CTNNAL1: variants seen among roughly 807,000 people sequenced by gnomAD.
The protein encoded by CTNNAL1 is catenin alpha like 1.
A neutral mutation model predicts 93.6 loss-of-function variants in CTNNAL1; 69 were observed. That is an observed-to-expected ratio of 0.74 (90% CI 0.61 to 0.90). The LOEUF is 0.90. Among genes scored for constraint, CTNNAL1 ranks in the 40% least tolerant of loss-of-function variants. The pLI, the probability that CTNNAL1 is intolerant of heterozygous loss-of-function variation, is 0.00. For synonymous variants in CTNNAL1, 286 were observed against 305.4 expected (o/e 0.94, Z 0.66); for missense variants, 836 against 862.0 (o/e 0.97, Z 0.38).
intron 11 of CTNNAL1, 72 bp from the exon 12 acceptor site, chr9:108,955,899 T>C (rs1186980894): frequency 7.5e-6 from 7 of 935,452 alleles, no homozygotes; most frequent in Non-Finnish European, 1.1e-5. Context: ...AGTTAACTTT[T>C]AAAGTATTAA....
chr9:108,966,054 A>G lies in CTNNAL1; in HGVS notation c.1441-526T>C, dbSNP rs532102731. Among the ~76,000 whole-genome samples, 12 of 152,342 alleles carry G rather than the reference A, an allele frequency of 7.9e-5. No individual in the cohort carries two copies. The South Asian group carries it at 1.9e-3, about 24-fold the overall frequency. Reference sequence around the variant, plus strand: ...TAATATCCCCCAAAATATACAAATAAAATACTACTTTTTCCAAATAAGCAT... The same window carrying G: ...TAATATCCCCCAAAATATACAAATAGAATACTACTTTTTCCAAATAAGCAT... On this transcript the variant is annotated intron_variant, in intron 10 of 18. Transcript: ENST00000325551.
chr9:108,961,281 C>T (rs1830815589), intron 11 of CTNNAL1, among the ~76,000 whole-genome samples: 1 of 152,162 alleles, frequency 6.6e-6, no homozygotes, highest in African/African-American at 2.4e-5. Flanking sequence ...GTCACATCAA[C>T]CATGCATAAC....
At chr9:109,002,515 T>C (rs998421214) in intron 1 of CTNNAL1, among the ~76,000 whole-genome samples, 1 of 152,026 alleles carries the variant, frequency 6.6e-6, no homozygotes, top group African/African-American at 2.4e-5. Flanking sequence ...CTCATTAACA[T>C]GAAAGGGAGA....
chr9:108,962,248 T>C (rs1040407096), intron 11 of CTNNAL1, among the ~76,000 whole-genome samples: 1 of 152,194 alleles, frequency 6.6e-6, no homozygotes, highest in African/African-American at 2.4e-5. Flanking sequence ...TGGAACCCAG[T>C]ACATTCTCAA....
At chr9:108,998,943 T>A (rs1832123497) in intron 2 of CTNNAL1, 124 bp downstream of exon 2, 2 of 1,194,660 alleles carry the variant, frequency 1.7e-6, no homozygotes, top group South Asian at 3.7e-5. Flanking sequence ...TCCAGGCCTT[T>A]AATGTCTGAG....
chr9:108,993,241 T>C (rs963904179), intron 2 of CTNNAL1, among the ~76,000 whole-genome samples: 2 of 152,044 alleles, frequency 1.3e-5, no homozygotes, highest in African/African-American at 4.8e-5. Context: ...TCACTGCCAA[T>C]CTCCACAAGC....
intron 4 of CTNNAL1, 129 bp downstream of exon 4, chr9:108,990,597 G>T (rs1053435313): frequency 8.9e-7 from 1 of 1,126,010 alleles, no homozygotes; most frequent in Non-Finnish European, 1.2e-6. Flanking sequence ...TCTATGAAAG[G>T]CTTTCAAGAC....
At chr9:108,964,878 T>TTTATTTATTTATTTA (rs1564128908) in intron 11 of CTNNAL1, among the ~76,000 whole-genome samples, 5 of 120,380 alleles carry the variant, frequency 4.2e-5, no homozygotes, top group African/African-American at 1.1e-4. Context: ...TTATTTATTT[T>TTTATTTATTTATTTA]TTGAGACAGA....
chr9:108,976,988 G>A lies in CTNNAL1; in HGVS notation c.1162C>T (p.His388Tyr). Reference sequence around the variant, plus strand: ...TCTTTCTTAAGTTCATTAAGACTGTGACTGATTTTCAAAATACTGAGTTCC... The same window carrying A: ...TCTTTCTTAAGTTCATTAAGACTGTAACTGATTTTCAAAATACTGAGTTCC... ...ELELSILKIS[H>Y]SLNELKKELH... Residue 388 changes from histidine to tyrosine, a missense_variant, in exon 8 of 19, where the codon CAC becomes TAC. Coordinates refer to ENST00000325551, the MANE Select transcript of CTNNAL1 (RefSeq NM_003798.4). The A allele has an allele frequency of 6.6e-7, 1 of 1,508,290 alleles. No homozygotes were observed. The highest frequency in any genetic ancestry group is 8.9e-7 in the Non-Finnish European group (1 of 1,125,250). 93.4% of individuals were successfully genotyped at this position (1,508,290 alleles called of 1,614,324 possible). A position where few individuals can be genotyped will look rare whatever the true frequency, so the allele number is the denominator to read the frequency against.
intron 1 of CTNNAL1, among the ~76,000 whole-genome samples, chr9:109,005,671 C>A (rs952893510): frequency 2.0e-5 from 3 of 152,202 alleles, no homozygotes; most frequent in Non-Finnish European, 4.4e-5. Context: ...GCATAAATTT[C>A]TGTTGTTTAA....
chr9:108,948,327 A>T, intron 14 of CTNNAL1, 93 bp from the exon 15 acceptor site: 1 of 1,209,024 alleles, frequency 8.3e-7, no homozygotes, highest in Non-Finnish European at 1.2e-6. Context: ...TTGTGTATTA[A>T]CAAATCCTAA....
rs571239808 is a variant in CTNNAL1, at chr9:108,956,063, A to T, written c.1592-236T>A. Among the ~76,000 whole-genome samples, 5 of 152,314 alleles carry T rather than the reference A, an allele frequency of 3.3e-5. No individual in the cohort carries two copies. In the East Asian group the frequency reaches 9.6e-4, roughly 29 times the overall value. ...ATGCTGGTCAATCTCCACCTCTCCC[A>T]ACATTAAGGGAGAAAGGCAAATGTC... On this transcript the variant is annotated intron_variant, in intron 11 of 18. Transcript: ENST00000325551.
In CTNNAL1 at chr9:108,991,526, C is replaced by T. The variant is rs574955156; in HGVS notation, c.520-681G>A. Among the ~76,000 whole-genome samples the T allele has an allele frequency of 9.1e-4, 137 of 151,216 alleles. No individual in the cohort carries two copies. The Middle Eastern group carries it at 0.01, about 11-fold the overall frequency. On this transcript the variant is annotated intron_variant, in intron 3 of 18. Transcript: ENST00000325551. ...AATAACATTATTAGATTGTTTTAGTCGCAACAAGATAAGTTAAAAAAAAAC... is the reference window on the plus strand; with the variant it reads ...AATAACATTATTAGATTGTTTTAGTTGCAACAAGATAAGTTAAAAAAAAAC...
At chr9:108,994,193 T>C (rs529335021) in intron 2 of CTNNAL1, among the ~76,000 whole-genome samples, 1 of 151,610 alleles carries the variant, frequency 6.6e-6, no homozygotes, top group Non-Finnish European at 1.5e-5. Context: ...ATGGCGCCAC[T>C]GCACTTCAGC....
At chr9:109,008,282 C>T (rs771290254) in intron 1 of CTNNAL1, among the ~76,000 whole-genome samples, 1 of 151,644 alleles carries the variant, frequency 6.6e-6, no homozygotes, top group Admixed American at 6.6e-5. Context: ...CCCAGCCTCC[C>T]AAGTAGCTGG....
intron 2 of CTNNAL1, among the ~76,000 whole-genome samples, chr9:108,996,574 C>T (rs1832028908): frequency 6.6e-6 from 1 of 152,150 alleles, no homozygotes; most frequent in African/African-American, 2.4e-5. Flanking sequence ...CAGTGTACCA[C>T]GTCCTCCTCT....
At chr9:108,957,192 C>CT (rs1830708772) in intron 11 of CTNNAL1, among the ~76,000 whole-genome samples, 1 of 148,126 alleles carries the variant, frequency 6.8e-6, no homozygotes, top group Admixed American at 6.8e-5. Context: ...AGATCACAGG[C>CT]TTACTGCAGC....
chr9:108,989,316 C>T (rs943609438), intron 4 of CTNNAL1, among the ~76,000 whole-genome samples: 1 of 151,922 alleles, frequency 6.6e-6, no homozygotes, highest in Non-Finnish European at 1.5e-5. Flanking sequence ...TATAAAAATA[C>T]TCAGGCTAAT....
At chr9:108,972,864 G>GGGGAAA in intron 8 of CTNNAL1, 31 bp from the exon 9 acceptor site, 1 of 142,590 alleles carries the variant, frequency 7.0e-6, no homozygotes, top group East Asian at 2.2e-4. Flanking sequence ...GGGGGGGTGG[G>GGGGAAA]AGGGTGGAGA....
Sources: gnomAD v4.1 joint callset for allele counts (sites outside exome capture counted in the v4.1 genomes callset) on GRCh38, gnomAD v4.1.1 for gene constraint, MANE v1.5 for transcripts, NCBI Gene and HGNC (gene_info 2026-07-23, HGNC 2026-07-21) for gene names.